KCNH8: variants seen among roughly 807,000 people sequenced by gnomAD.
The protein encoded by KCNH8 is potassium voltage-gated channel subfamily H member 8.
In KCNH8, 70 loss-of-function variants were observed where a neutral mutation model predicts 103.6. The observed-to-expected ratio is 0.68, with a 90% CI of 0.56 to 0.82. KCNH8 has a LOEUF of 0.82. Ranked by LOEUF, KCNH8 falls within the 40% of genes least tolerant of loss-of-function variation. The pLI is 0.00. For synonymous variants in KCNH8, 498 were observed against 489.4 expected (o/e 1.02, Z -0.23); for missense variants, 1,217 against 1,329.9 (o/e 0.92, Z 1.32).
chr3:19,373,797 T>A (rs902584237), intron 5 of KCNH8, among the ~76,000 whole-genome samples: 20 of 152,086 alleles, frequency 1.3e-4, no homozygotes, highest in African/African-American at 4.3e-4. Context: ...CCAGAGATTC[T>A]GGTATGTTGT....
chr3:19,525,422 C>A (rs1431939816), intron 15 of KCNH8, among the ~76,000 whole-genome samples: 2 of 151,772 alleles, frequency 1.3e-5, no homozygotes, highest in African/African-American at 2.4e-5. Context: ...CTGTTCTATA[C>A]AACCAGTATT....
At chr3:19,370,573 T>G (rs1286609662) in intron 5 of KCNH8, among the ~76,000 whole-genome samples, 1 of 152,088 alleles carries the variant, frequency 6.6e-6, no homozygotes, top group African/African-American at 2.4e-5. Context: ...CTAAGATAAT[T>G]TTAAAGAATA....
At chr3:19,289,762 T>G (rs945696226) in intron 3 of KCNH8, among the ~76,000 whole-genome samples, 6 of 152,194 alleles carry the variant, frequency 3.9e-5, no homozygotes, top group East Asian at 3.9e-4. Context: ...TTTTAAAGTA[T>G]TTTTTTCCAA....
intron 7 of KCNH8, among the ~76,000 whole-genome samples, chr3:19,407,765 C>A (rs1217584714): frequency 6.6e-6 from 1 of 152,098 alleles, no homozygotes; most frequent in African/African-American, 2.4e-5. Flanking sequence ...TGCAGGGGTG[C>A]TGTCTCTGCC....
intron 11 of KCNH8, among the ~76,000 whole-genome samples, chr3:19,488,282 C>A (rs1305669031): frequency 6.6e-6 from 1 of 152,142 alleles, no homozygotes; most frequent in Non-Finnish European, 1.5e-5. Context: ...CTTTTCTTTC[C>A]CTTTTGGGGG....
chr3:19,246,878 G>A (rs1049907286), intron 1 of KCNH8, among the ~76,000 whole-genome samples: 1 of 152,116 alleles, frequency 6.6e-6, no homozygotes, highest in Non-Finnish European at 1.5e-5. Context: ...TGCACCCAAT[G>A]GCAAGGTTGT....
chr3:19,250,683 C>A (rs1464824117), intron 1 of KCNH8, among the ~76,000 whole-genome samples: 2 of 152,158 alleles, frequency 1.3e-5, no homozygotes, highest in African/African-American at 4.8e-5. Context: ...TCCAACCTAA[C>A]CATTTCAAAG....
chr3:19,480,036 C>T (rs542429703), intron 11 of KCNH8, among the ~76,000 whole-genome samples: 1 of 152,320 alleles, frequency 6.6e-6, no homozygotes, highest in East Asian at 1.9e-4. Flanking sequence ...CCTGCTGGAG[C>T]ATTTAGTGTC....
intron 2 of KCNH8, among the ~76,000 whole-genome samples, chr3:19,260,937 TCTC>T (rs2125258735): frequency 6.7e-6 from 1 of 148,152 alleles, no homozygotes; most frequent in African/African-American, 2.5e-5. Flanking sequence ...AATGGCAGGA[TCTC>T]CTCCTTTTTT....
At chr3:19,485,431 G>A (rs1268494466) in intron 11 of KCNH8, among the ~76,000 whole-genome samples, 1 of 152,224 alleles carries the variant, frequency 6.6e-6, no homozygotes, top group East Asian at 1.9e-4. Context: ...GTAACGCACT[G>A]TTGTGCTACT....
chr3:19,339,091 A>G (rs1225572731), intron 3 of KCNH8, among the ~76,000 whole-genome samples: 1 of 152,114 alleles, frequency 6.6e-6, no homozygotes, highest in Non-Finnish European at 1.5e-5. Flanking sequence ...ATCTTGCATG[A>G]GGGTTCAATT....
At chr3:19,236,144 T>C (rs2064061796) in intron 1 of KCNH8, among the ~76,000 whole-genome samples, 2 of 152,238 alleles carry the variant, frequency 1.3e-5, no homozygotes, top group Middle Eastern at 6.8e-3. Context: ...TGCAACTCCA[T>C]TGCTCCACAG....
intron 2 of KCNH8, among the ~76,000 whole-genome samples, chr3:19,268,081 T>C (rs1476497012): frequency 3.3e-5 from 5 of 152,154 alleles, no homozygotes; most frequent in Non-Finnish European, 5.9e-5. Context: ...ATACCTGTTA[T>C]GTTTGGGTCA....
intron 8 of KCNH8, among the ~76,000 whole-genome samples, chr3:19,438,974 T>C (rs771911731): frequency 3.3e-5 from 5 of 152,192 alleles, no homozygotes; most frequent in Non-Finnish European, 7.3e-5. Flanking sequence ...GCAAGGGTAT[T>C]AGTAAGATCC....
At chr3:19,211,295 T>C (rs1327212423) in intron 1 of KCNH8, among the ~76,000 whole-genome samples, 1 of 152,054 alleles carries the variant, frequency 6.6e-6, no homozygotes, top group Non-Finnish European at 1.5e-5. Flanking sequence ...TCCAAATAGG[T>C]TTGCTAACAC....
chr3:19,481,217 T>C (rs1047823630), intron 11 of KCNH8, among the ~76,000 whole-genome samples: 2 of 152,282 alleles, frequency 1.3e-5, no homozygotes, highest in South Asian at 2.1e-4. Flanking sequence ...TTTTGTTACA[T>C]AGATATACTG....
Position 19,290,478 on chromosome 3 carries a change from G to C in KCNH8, c.442+9149G>C, listed in dbSNP as rs377088260. ...TGAAGAGTTGTTGAATTTTGTCAAA[G>C]GCCTTTTCTGCATCTATTGAGATAA... On this transcript the variant is annotated intron_variant, in intron 3 of 15. Coordinates refer to ENST00000328405, the MANE Select transcript of KCNH8 (RefSeq NM_144633.3). Among the ~76,000 whole-genome samples, 15 of 152,268 alleles carry C rather than the reference G, an allele frequency of 9.9e-5. 2 individuals carry two copies. The highest frequency in any genetic ancestry group is 5.2e-4 in the Admixed American group (8 of 15,302).
chr3:19,186,833 A>C (rs371557107), intron 1 of KCNH8, among the ~76,000 whole-genome samples: 28 of 152,114 alleles, frequency 1.8e-4, no homozygotes, highest in East Asian at 7.7e-4. Flanking sequence ...GACAATGTGT[A>C]GTTTTTCAAT....
intron 6 of KCNH8, among the ~76,000 whole-genome samples, chr3:19,394,413 G>A (rs2066483595): frequency 6.6e-6 from 1 of 151,908 alleles, no homozygotes; most frequent in Non-Finnish European, 1.5e-5. Context: ...AAAGGCACTA[G>A]GAGACTCTTC....
Sources: gnomAD v4.1 joint callset for allele counts (sites outside exome capture counted in the v4.1 genomes callset) on GRCh38, gnomAD v4.1.1 for gene constraint, MANE v1.5 for transcripts, NCBI Gene and HGNC (gene_info 2026-07-23, HGNC 2026-07-21) for gene names.